RORA: variants seen among roughly 807,000 people sequenced by gnomAD.
RORA encodes the protein nuclear receptor ROR-alpha.
RORA carries 7 observed loss-of-function variants against 69.5 expected under a neutral mutation model. The ratio of observed to expected loss-of-function variants is 0.10; its 90% CI spans 0.06 to 0.19. The LOEUF is 0.19. Ranked by LOEUF, RORA falls within the 10% of genes least tolerant of loss-of-function variation. RORA has a pLI of 1.00. For synonymous variants in RORA, 261 were observed against 240.8 expected (o/e 1.08, Z -0.78); for missense variants, 457 against 663.0 (o/e 0.69, Z 3.41).
intron 1 of RORA, among the ~76,000 whole-genome samples, chr15:61,199,008 T>G (rs1233686719): frequency 6.6e-6 from 1 of 152,196 alleles, no homozygotes; most frequent in Non-Finnish European, 1.5e-5. Context: ...CATCTCTCCT[T>G]TTCTAAATCT....
At chr15:61,024,919 T>C (rs74754277) in intron 1 of RORA, among the ~76,000 whole-genome samples, 2 of 152,330 alleles carry the variant, frequency 1.3e-5, no homozygotes, top group East Asian at 3.9e-4. Flanking sequence ...CTTTCCGCAC[T>C]TGATGTTAGA....
At chr15:60,846,564 G>A (rs1315132801) in intron 1 of RORA, among the ~76,000 whole-genome samples, 1 of 152,172 alleles carries the variant, frequency 6.6e-6, no homozygotes, top group East Asian at 1.9e-4. Flanking sequence ...TAATTTGACT[G>A]AAGCGCTAAA....
At chr15:60,707,345 T>TATTA (rs2071077795) in intron 1 of RORA, among the ~76,000 whole-genome samples, 1 of 147,120 alleles carries the variant, frequency 6.8e-6, no homozygotes, top group South Asian at 2.2e-4. Context: ...TTTATTTATT[T>TATTA]ATTTATTTAT....
intron 1 of RORA, among the ~76,000 whole-genome samples, chr15:61,197,336 C>T (rs1209382076): frequency 6.6e-6 from 1 of 152,196 alleles, no homozygotes; most frequent in Non-Finnish European, 1.5e-5. Flanking sequence ...AAGTGGATCC[C>T]GTCTCCAGGC....
intron 2 of RORA, among the ~76,000 whole-genome samples, chr15:60,591,158 C>G (rs1363020129): frequency 6.6e-6 from 1 of 152,200 alleles, no homozygotes; most frequent in African/African-American, 2.4e-5. Flanking sequence ...CAGTCTGGGT[C>G]TGCACAATTG....
chr15:61,227,987 C>T (rs12901132), intron 1 of RORA, among the ~76,000 whole-genome samples: 146,991 of 152,026 alleles, frequency 0.97, 71,204 homozygotes, highest in African/African-American at 0.99. Context: ...CTCAACAGCT[C>T]ACTTTAGGAA....
At chr15:61,132,021 T>C (rs1385670424) in intron 1 of RORA, among the ~76,000 whole-genome samples, 1 of 152,190 alleles carries the variant, frequency 6.6e-6, no homozygotes, top group Non-Finnish European at 1.5e-5. Context: ...TCCCTCACTT[T>C]CTCCTTCCCT....
At position 60,511,505 on chromosome 15, in the gene RORA, G is replaced by A; in HGVS notation, c.541C>T (p.Pro181Ser). The A allele has an allele frequency of 1.2e-6, 2 of 1,614,174 alleles. No homozygotes were observed. Among genetic ancestry groups the A allele is most frequent in the South Asian group, 1.1e-5 (1 of 91,082 alleles). The change falls in exon 5 of 11, where the codon CCG becomes TCG. Residue 181 changes from proline to serine, a missense_variant. Coordinates refer to ENST00000335670, the MANE Select transcript of RORA (RefSeq NM_134261.3). The surrounding 1 kb of genome is among the most constrained non-coding windows in gnomAD (Gnocchi z 6.4). ...DHQQQPGEAE[P>S]LTPTYNISAN... ...GAGATGTTGTAGGTGGGCGTCAGCG[G>A]CTCAGCCTCTCCAGGCTGCTGCTGG...
intron 1 of RORA, among the ~76,000 whole-genome samples, chr15:61,174,911 G>A (rs1174161045): frequency 2.0e-5 from 3 of 152,184 alleles, no homozygotes; most frequent in African/African-American, 7.2e-5. Flanking sequence ...GCCCAGAGAG[G>A]TTAAATAACT....
At chr15:60,960,642 CTTT>C (rs1227628217) in intron 1 of RORA, among the ~76,000 whole-genome samples, 1 of 138,938 alleles carries the variant, frequency 7.2e-6, no homozygotes. Context: ...GCACACAAAT[CTTT>C]TTTTTTTTTT....
intron 1 of RORA, among the ~76,000 whole-genome samples, chr15:60,959,416 G>C (rs185813000): frequency 9.2e-5 from 14 of 152,196 alleles, no homozygotes; most frequent in African/African-American, 3.4e-4. Context: ...ACCTGATAGT[G>C]ACTTTGTTCC....
chr15:60,834,115 T>C (rs1595752488), intron 1 of RORA, among the ~76,000 whole-genome samples: 1 of 152,198 alleles, frequency 6.6e-6, no homozygotes, highest in South Asian at 2.1e-4. Context: ...GGAAAAAAGG[T>C]AAAAATAACA....
At chr15:61,060,084 T>C (rs2078161128) in intron 1 of RORA, among the ~76,000 whole-genome samples, 1 of 151,900 alleles carries the variant, frequency 6.6e-6, no homozygotes, top group South Asian at 2.1e-4. Flanking sequence ...CAACTACTAG[T>C]TCCATGGAGG....
chr15:60,614,286 T>C (rs146029218), intron 2 of RORA, among the ~76,000 whole-genome samples: 1 of 152,126 alleles, frequency 6.6e-6, no homozygotes. Context: ...AGCATTGGCA[T>C]TGACTGCTGG....
intron 2 of RORA, among the ~76,000 whole-genome samples, chr15:60,626,983 G>A (rs1717413630): frequency 6.6e-6 from 1 of 152,170 alleles, no homozygotes; most frequent in Non-Finnish European, 1.5e-5. Context: ...GGACTTGAGA[G>A]ATCACCCTTC....
intron 1 of RORA, among the ~76,000 whole-genome samples, chr15:60,969,015 A>G (rs1012592749): frequency 6.6e-6 from 1 of 152,140 alleles, no homozygotes; most frequent in Non-Finnish European, 1.5e-5. Flanking sequence ...ACGTCCCTCA[A>G]TTTGGATTTG....
intron 2 of RORA, among the ~76,000 whole-genome samples, chr15:60,581,077 C>G (rs148977976): frequency 9.8e-5 from 15 of 152,320 alleles, no homozygotes; most frequent in Non-Finnish European, 1.6e-4. Context: ...CCTTCTTCAA[C>G]AAGAGAAGCC....
intron 1 of RORA, among the ~76,000 whole-genome samples, chr15:60,801,757 G>C (rs1297773070): frequency 6.6e-6 from 1 of 152,182 alleles, no homozygotes; most frequent in East Asian, 1.9e-4. Context: ...GTGGTTGTTC[G>C]TGGGCTTTTT....
At chr15:60,790,863 C>CAG (rs932527324) in intron 1 of RORA, among the ~76,000 whole-genome samples, 5 of 152,144 alleles carry the variant, frequency 3.3e-5, no homozygotes, top group African/African-American at 1.2e-4. Context: ...TTGTAGGTAC[C>CAG]AGATGGTTCC....
Sources: gnomAD v4.1 joint callset for allele counts (sites outside exome capture counted in the v4.1 genomes callset) on GRCh38, gnomAD v4.1.1 for gene constraint, Gnocchi (gnomAD v3.1) non-coding constraint, MANE v1.5 for transcripts, NCBI Gene and HGNC (gene_info 2026-07-23, HGNC 2026-07-21) for gene names.